Variants in OSBPL9 observed in about 807,000 individuals in gnomAD.
OSBPL9 encodes oxysterol-binding protein-related protein 9.
In OSBPL9, 40 loss-of-function variants were observed where a neutral mutation model predicts 106.6. That is an observed-to-expected ratio of 0.38 (90% confidence interval 0.29 to 0.49). The LOEUF (loss-of-function observed/expected upper bound fraction) is 0.49, where lower values mean the gene tolerates loss of function less well. OSBPL9 is among the 20% of genes least tolerant of loss of function. The probability of loss-of-function intolerance (pLI) is 0.97; values close to 1 mark genes in which losing one functional copy is unlikely to be tolerated. For synonymous variants in OSBPL9, 269 were observed against 295.4 expected, an observed-to-expected ratio of 0.91 and a Z score of 0.92; for missense variants, 609 against 887.2, an observed-to-expected ratio of 0.69 and a Z score of 3.98.
At chr1:51,758,319 A>G (rs1292762228) in intron 9 of OSBPL9, among the ~76,000 whole-genome samples, 1 of 152,088 alleles carries the variant, frequency 6.6e-6, no homozygotes, top group African/African-American at 2.4e-5. Flanking sequence ...TGTAACAGGA[A>G]AAAATGCTGA....
At chr1:51,623,779 T>C (rs1644588904) in intron 1 of OSBPL9, among the ~76,000 whole-genome samples, 1 of 152,216 alleles carries the variant, frequency 6.6e-6, no homozygotes, top group Non-Finnish European at 1.5e-5. Context: ...TATATTTCTC[T>C]TGCAAACATG....
intron 12 of OSBPL9, among the ~76,000 whole-genome samples, chr1:51,771,800 C>G (rs1008898130): frequency 6.6e-6 from 1 of 152,118 alleles, no homozygotes; most frequent in Non-Finnish European, 1.5e-5. Context: ...GATTTATACC[C>G]AGTAACAAAA....
At chr1:51,605,488 C>T (rs1643940040) in intron 2 of OSBPL9, among the ~76,000 whole-genome samples, 1 of 151,840 alleles carries the variant, frequency 6.6e-6, no homozygotes, top group African/African-American at 2.4e-5. Flanking sequence ...TAATGGAGTC[C>T]TGAAAGATGA....
At chr1:51,781,359 A>C in intron 16 of OSBPL9, 24 bp downstream of exon 16, 2 of 1,602,176 alleles carry the variant, frequency 1.2e-6, no homozygotes, top group Non-Finnish European at 1.7e-6. Context: ...TGACATTTTT[A>C]AATTATCTTA....
chr1:51,756,049 A>G (rs899870521), intron 8 of OSBPL9, among the ~76,000 whole-genome samples: 2 of 152,226 alleles, frequency 1.3e-5, no homozygotes, highest in Non-Finnish European at 2.9e-5. Context: ...GAATGTGACT[A>G]CAGTTCTACA....
intron 4 of OSBPL9, among the ~76,000 whole-genome samples, chr1:51,732,279 C>G (rs1351305022): frequency 1.3e-5 from 2 of 152,144 alleles, no homozygotes; most frequent in African/African-American, 2.4e-5. Flanking sequence ...GAAGCAAATT[C>G]TAGGATGTCC....
chr1:51,728,216 A>T (rs1663485174), intron 4 of OSBPL9, among the ~76,000 whole-genome samples: 1 of 152,240 alleles, frequency 6.6e-6, no homozygotes, highest in African/African-American at 2.4e-5. Flanking sequence ...ACTCAGTGGA[A>T]AGCAGTTAAA....
the OSBPL9 span, among the ~76,000 whole-genome samples, chr1:51,532,784 G>A: frequency 3.9e-5 from 6 of 152,034 alleles, no homozygotes. Context: ...AATTTAGGTG[G>A]GTAAAAAGGG....
the OSBPL9 span, chr1:51,560,909 A>G: frequency 6.6e-6 from 1 of 152,234 alleles, no homozygotes; most frequent in East Asian, 1.9e-4. Context: ...ACGTAGGACC[A>G]GCAGAAGCAG....
intron 3 of OSBPL9, chr1:51,708,010 A>T (rs2148873744): frequency 4.2e-6 from 1 of 236,248 alleles, no homozygotes; most frequent in Non-Finnish European, 8.7e-6. Context: ...ATACTGGAAC[A>T]TGTAGACCAT....
intron 3 of OSBPL9, among the ~76,000 whole-genome samples, chr1:51,679,251 T>G (rs1201183249): frequency 1.3e-5 from 2 of 152,168 alleles, no homozygotes; most frequent in Non-Finnish European, 2.9e-5. Context: ...CAGGTTTAAC[T>G]AATTAGGGAC....
At chr1:51,643,957 G>A (rs1332371100) in intron 1 of OSBPL9, among the ~76,000 whole-genome samples, 1 of 151,796 alleles carries the variant, frequency 6.6e-6, no homozygotes, top group Non-Finnish European at 1.5e-5. Context: ...GCACATGCCT[G>A]TAGTCCCAGC....
intron 1 of OSBPL9, among the ~76,000 whole-genome samples, chr1:51,633,897 T>G (rs1011365475): frequency 1.3e-5 from 2 of 152,214 alleles, no homozygotes; most frequent in Non-Finnish European, 2.9e-5. Flanking sequence ...AGTGCTGGGA[T>G]TACAGGTGTA....
At chr1:51,622,710 A>G (rs1644518091) in intron 1 of OSBPL9, among the ~76,000 whole-genome samples, 2 of 152,190 alleles carry the variant, frequency 1.3e-5, no homozygotes, top group South Asian at 4.1e-4. Context: ...TGTCATCATG[A>G]CAGAGCAGCT....
chr1:51,589,493 G>A (rs1645262462), intron 1 of OSBPL9, among the ~76,000 whole-genome samples: 1 of 152,084 alleles, frequency 6.6e-6, no homozygotes, highest in African/African-American at 2.4e-5. Flanking sequence ...GTTACATAGA[G>A]GGATAGAGTA....
chr1:51,562,287 T>C, the OSBPL9 span, among the ~76,000 whole-genome samples: 1 of 152,076 alleles, frequency 6.6e-6, no homozygotes, highest in Non-Finnish European at 1.5e-5. Context: ...CTGGTTACTT[T>C]TAAATTGTGT....
At chr1:51,520,611 G>A in the OSBPL9 span, among the ~76,000 whole-genome samples, 1 of 152,160 alleles carries the variant, frequency 6.6e-6, no homozygotes, top group East Asian at 1.9e-4. Context: ...TAGTCACGAT[G>A]GCTTCCCATT....
chr1:51,558,418 C>CA, the OSBPL9 span, among the ~76,000 whole-genome samples: 1 of 152,150 alleles, frequency 6.6e-6, no homozygotes, highest in Non-Finnish European at 1.5e-5. Flanking sequence ...GCCACCTCCC[C>CA]AATTCTCCTA....
intron 3 of OSBPL9, chr1:51,709,256 G>A (rs1659296714): frequency 4.7e-6 from 1 of 214,310 alleles, no homozygotes. Flanking sequence ...CATCCCCAAG[G>A]AGCAGGGCAC....
Sources: allele counts gnomAD v4.1 joint callset (sites outside exome capture counted in the v4.1 genomes callset), GRCh38; gene constraint gnomAD v4.1.1; transcripts MANE v1.5; gene names NCBI Gene and HGNC (gene_info 2026-07-23, HGNC 2026-07-21).